Variants in TBC1D16 observed in about 807,000 individuals in gnomAD.
TBC1D16 encodes the protein CTD-2529O21.1.
TBC1D16 carries 58 observed loss-of-function variants against 74.7 expected under a neutral mutation model. The ratio of observed to expected loss-of-function variants is 0.78; its 90% CI spans 0.63 to 0.97. TBC1D16 has a LOEUF of 0.97. Among genes scored for constraint, TBC1D16 ranks in the 50% least tolerant of loss-of-function variants. The pLI is 0.00. For missense variants in TBC1D16, 1,014 were observed against 1,079.5 expected, an observed-to-expected ratio of 0.94 and a Z score of 0.85; for synonymous variants, 493 against 474.7, an observed-to-expected ratio of 1.04 and a Z score of -0.50.
At chr17:80,032,208 A>G (rs543175267) in intron 1 of TBC1D16, among the ~76,000 whole-genome samples, 1 of 152,348 alleles carries the variant, frequency 6.6e-6, no homozygotes, top group African/African-American at 2.4e-5. Flanking sequence ...TGACCAATCC[A>G]GAAAGACCAC....
rs567607984 is a variant in TBC1D16, at chr17:79,966,108, G to A, written c.780-13290C>T. Among the ~76,000 whole-genome samples the A allele has an allele frequency of 7.9e-5, 12 of 152,252 alleles. No individual in the cohort carries two copies. The South Asian group carries it at 1.9e-3, about 24-fold the overall frequency. On this transcript the variant is annotated intron_variant, in intron 3 of 11. Transcript: ENST00000310924. The stretch of plus-strand genomic sequence containing the variant: ...TCCTCCTTTGAGTCCCCCCAGCTTC[G>A]GGCAGTTCCTGGCAATCTGTGGCCT...
intron 3 of TBC1D16, among the ~76,000 whole-genome samples, chr17:79,966,699 T>C (rs2033858703): frequency 6.6e-6 from 1 of 152,164 alleles, no homozygotes; most frequent in South Asian, 2.1e-4. Context: ...TTTCATGTGT[T>C]TTGCTTTTGA....
intron 3 of TBC1D16, among the ~76,000 whole-genome samples, chr17:79,968,603 C>G (rs2033938919): frequency 6.6e-6 from 1 of 152,212 alleles, no homozygotes; most frequent in Non-Finnish European, 1.5e-5. Flanking sequence ...CCTGTAATCC[C>G]AGCACTTTGG....
At position 79,990,220 on chromosome 17, in the gene TBC1D16, G is replaced by A. The variant is rs1427537774; in HGVS notation, c.779+19940C>T. ...CTTCAACTCAGCCTGAACTAGCCGC[G>A]TGGACAGCAGCCGTAGCCCTCACAA... On this transcript the variant is annotated intron_variant, in intron 3 of 11. Coordinates refer to ENST00000310924, the MANE Select transcript of TBC1D16 (RefSeq NM_019020.4). This position sits in a 1 kb window ranked among gnomAD's most constrained non-coding sequence, Gnocchi z 4.8. Among the ~76,000 whole-genome samples, 9 of 152,196 alleles carry A rather than the reference G, an allele frequency of 5.9e-5. No individual in the cohort carries two copies. Among genetic ancestry groups the A allele is most frequent in the Non-Finnish European group, 1.2e-4 (8 of 68,024 alleles).
chr17:79,970,388 C>G (rs1473736192), intron 3 of TBC1D16, among the ~76,000 whole-genome samples: 3 of 152,170 alleles, frequency 2.0e-5, no homozygotes, highest in African/African-American at 7.2e-5. Context: ...CTAACTGCCA[C>G]TGCATTGTAC....
chr17:79,991,704 G>GGGGCGGGGCGGGGCGGGGAGGGGGA, intron 3 of TBC1D16, among the ~76,000 whole-genome samples: 1 of 149,456 alleles, frequency 6.7e-6, no homozygotes, highest in Admixed American at 6.6e-5. Context: ...AGGTGGGGGT[G>GGGGCGGGGCGGGGCGGGGAGGGGGA]GGGCGGGGCG....
chr17:80,034,997 G>A (rs918036660), intron 1 of TBC1D16, among the ~76,000 whole-genome samples: 1 of 152,182 alleles, frequency 6.6e-6, no homozygotes, highest in Non-Finnish European at 1.5e-5. Context: ...GACCCAGACA[G>A]TAAAACAAAC....
At chr17:79,977,525 C>T (rs563488107) in intron 3 of TBC1D16, among the ~76,000 whole-genome samples, 1 of 152,360 alleles carries the variant, frequency 6.6e-6, no homozygotes, top group Non-Finnish European at 1.5e-5. Flanking sequence ...GGGCCTGGCA[C>T]GCAGCAGGAT....
chr17:80,024,198 C>A (rs943103141), intron 1 of TBC1D16, among the ~76,000 whole-genome samples: 2 of 149,824 alleles, frequency 1.3e-5, no homozygotes, highest in South Asian at 2.1e-4. Flanking sequence ...AGGACTGCAG[C>A]GGGGCACGCC....
chr17:79,945,917 C>A (rs2032496514), intron 9 of TBC1D16, among the ~76,000 whole-genome samples: 1 of 152,254 alleles, frequency 6.6e-6, no homozygotes. Flanking sequence ...ACACAGGTGG[C>A]CCATTGTTCC....
rs541233321 is a variant in TBC1D16, at chr17:80,002,251, G to A, written c.779+7909C>T. ...GAGCCTCATTTCTGTCCTCTGTGCC[G>A]TGTAGGAGGACAGGGGCCATTACAC... On this transcript the variant is annotated intron_variant, in intron 3 of 11. Coordinates refer to ENST00000310924, the MANE Select transcript of TBC1D16 (RefSeq NM_019020.4). Among the ~76,000 whole-genome samples, 90 of 152,308 alleles carry A rather than the reference G, an allele frequency of 5.9e-4. No individual in the cohort carries two copies. In the South Asian group the frequency reaches 0.016, roughly 27 times the overall value.
chr17:79,948,855 G>C lies in TBC1D16; in HGVS notation c.1541+17C>G, dbSNP rs769548829. 6 of 1,613,950 alleles carry C rather than the reference G, an allele frequency of 3.7e-6. No individual in the cohort carries two copies. The Admixed American group carries it at 8.3e-5, about 22-fold the overall frequency. On this transcript the variant is annotated intron_variant, in intron 8 of 11. Coordinates refer to ENST00000310924, the MANE Select transcript of TBC1D16 (RefSeq NM_019020.4). ...CAGACTTGCAGATGGGAAAGGAGCT[G>C]GCTGGGGAGGGAGTACCTCATGCTC...
chr17:79,935,527 C>G lies in TBC1D16; in HGVS notation c.*5332G>C, dbSNP rs1256250726. 2.0e-5 allele frequency: 3 copies of G among 152,390 alleles called. No individual in the cohort carries two copies. The highest frequency in any genetic ancestry group is 7.2e-5 in the African/African-American group (3 of 41,468). The allele number at this position is 152,390 out of a possible 1,614,324, so 9.4% of individuals were successfully genotyped here. On this transcript the variant is annotated 3_prime_UTR_variant, in exon 12 of 12. Transcript: ENST00000310924. ...CGGGCACACTGGCGTCTGCAGGCTG[C>G]CCTTGGGCTGCCACGGGGCCCTGTT...
Position 79,939,260 on chromosome 17 carries a change from C to T in TBC1D16, c.*1599G>A, listed in dbSNP as rs567513732. 1 of 152,382 alleles carries T rather than the reference C, an allele frequency of 6.6e-6. No individual in the cohort carries two copies. The highest frequency in any genetic ancestry group is 6.5e-5 in the Admixed American group (1 of 15,302). 9.4% of individuals were successfully genotyped at this position (152,382 alleles called of 1,614,324 possible). On this transcript the variant is annotated 3_prime_UTR_variant, in exon 12 of 12. Coordinates refer to ENST00000310924, the MANE Select transcript of TBC1D16 (RefSeq NM_019020.4). ...CCCCAGGATCTGGGCACTGATGGGGCTCCAGGACGGTCTCCTCAAAAGGCT... is the reference window on the plus strand; with the variant it reads ...CCCCAGGATCTGGGCACTGATGGGGTTCCAGGACGGTCTCCTCAAAAGGCT...
chr17:79,972,762 C>A (rs1281327004), intron 3 of TBC1D16, among the ~76,000 whole-genome samples: 1 of 152,036 alleles, frequency 6.6e-6, no homozygotes, highest in African/African-American at 2.4e-5. Flanking sequence ...GTGAATATAC[C>A]CACTGCCACT....
At chr17:79,967,214 G>T (rs2033882091) in intron 3 of TBC1D16, among the ~76,000 whole-genome samples, 1 of 151,802 alleles carries the variant, frequency 6.6e-6, no homozygotes, top group Admixed American at 6.6e-5. Context: ...GTCTACCTGG[G>T]AAATTAGGCA....
chr17:79,958,364 C>T (rs1267217169), intron 3 of TBC1D16, among the ~76,000 whole-genome samples: 1 of 151,924 alleles, frequency 6.6e-6, no homozygotes, highest in African/African-American at 2.4e-5. Flanking sequence ...GGATTACAGG[C>T]GCCTGCCACC....
At chr17:79,997,088 T>C (rs2035301079) in intron 3 of TBC1D16, among the ~76,000 whole-genome samples, 2 of 152,188 alleles carry the variant, frequency 1.3e-5, no homozygotes, top group Admixed American at 1.3e-4. Context: ...AGAGGAGTGG[T>C]TGCCCTGTGC....
rs1322701831 is a variant in TBC1D16, at chr17:79,990,291, G to A, written c.779+19869C>T. On this transcript the variant is annotated intron_variant, in intron 3 of 11. Coordinates refer to ENST00000310924, the MANE Select transcript of TBC1D16 (RefSeq NM_019020.4). The surrounding 1 kb of genome is among the most constrained non-coding windows in gnomAD (Gnocchi z 4.8). ...TCGGGCGCCCAGCCAGCGAGGGGCCGGCTCCAGGTGGTGGGAGCCCACGCC... is the reference window on the plus strand; with the variant it reads ...TCGGGCGCCCAGCCAGCGAGGGGCCAGCTCCAGGTGGTGGGAGCCCACGCC... Among the ~76,000 whole-genome samples the A allele has an allele frequency of 2.6e-5, 4 of 152,226 alleles. No homozygotes were observed. The highest frequency in any genetic ancestry group is 3.9e-4 in the East Asian group (2 of 5,194).
Sources: allele counts gnomAD v4.1 joint callset (sites outside exome capture counted in the v4.1 genomes callset), GRCh38; gene constraint gnomAD v4.1.1; non-coding constraint Gnocchi (gnomAD v3.1); transcripts MANE v1.5; gene names NCBI Gene and HGNC (gene_info 2026-07-23, HGNC 2026-07-21).